The following SVOP variants were observed in gnomAD, a reference collection of about 807,000 sequenced individuals.
The protein encoded by SVOP is SV2 related protein.
SVOP carries 17 observed loss-of-function variants against 69.1 expected under a neutral mutation model. The observed-to-expected ratio is 0.25, with a 90% CI of 0.17 to 0.37. The LOEUF (loss-of-function observed/expected upper bound fraction) is 0.37, where lower values mean the gene tolerates loss of function less well. SVOP is among the 10% of genes least tolerant of loss of function. The pLI is 1.00. For missense variants in SVOP, 435 were observed against 597.5 expected, an observed-to-expected ratio of 0.73 and a Z score of 2.84; for synonymous variants, 238 against 238.6, an observed-to-expected ratio of 1.00 and a Z score of 0.02.
intron 4 of SVOP, among the ~76,000 whole-genome samples, chr12:108,976,722 T>A (rs1284712243): frequency 6.6e-6 from 1 of 151,756 alleles, no homozygotes; most frequent in Admixed American, 6.6e-5. Flanking sequence ...TTCAAGCAAT[T>A]CTCCTGCCTC....
At position 108,910,736 on chromosome 12, in the gene SVOP, C is replaced by G. The variant is rs189564719; in HGVS notation, c.*1799G>C. 6.6e-6 allele frequency: 1 copy of G among 152,338 alleles called. No homozygotes were observed. Among genetic ancestry groups the G allele is most frequent in the African/African-American group, 2.4e-5 (1 of 41,580 alleles). 9.4% of individuals were successfully genotyped at this position (152,338 alleles called of 1,614,324 possible). A position where few individuals can be genotyped will look rare whatever the true frequency, so the allele number is the denominator to read the frequency against. ...CCAACAAGCTCAGCCACAATGTTGG[C>G]TGCCAACGGTATGTCTTTCCCCACT... On this transcript the variant is annotated 3_prime_UTR_variant, in exon 16 of 16. Transcript: ENST00000610966.
chr12:108,992,476 G>A (rs906766076), intron 1 of SVOP, among the ~76,000 whole-genome samples: 3 of 152,164 alleles, frequency 2.0e-5, no homozygotes, highest in African/African-American at 7.2e-5. Context: ...GAGAGGTCGA[G>A]GCTGCAGTGA....
chr12:109,007,175 T>C (rs1319866863), intron 1 of SVOP, among the ~76,000 whole-genome samples: 2 of 152,204 alleles, frequency 1.3e-5, no homozygotes, highest in African/African-American at 2.4e-5. Context: ...TCAAAAACAC[T>C]GATAACCAGT....
At chr12:108,966,168 A>G (rs1480430316) in intron 5 of SVOP, among the ~76,000 whole-genome samples, 1 of 151,950 alleles carries the variant, frequency 6.6e-6, no homozygotes, top group African/African-American at 2.4e-5. Flanking sequence ...GCCTGGCTAC[A>G]TTTTCTTATT....
intron 5 of SVOP, among the ~76,000 whole-genome samples, chr12:108,970,598 T>A: frequency 1.3e-5 from 1 of 76,986 alleles, no homozygotes; most frequent in East Asian, 5.3e-4. Flanking sequence ...AGTAGGTTAT[T>A]CTTAGTCTAA....
At chr12:108,979,100 T>C (rs1487836407) in intron 2 of SVOP, among the ~76,000 whole-genome samples, 2 of 97,684 alleles carry the variant, frequency 2.0e-5, no homozygotes, top group Non-Finnish European at 4.6e-5. Context: ...TACATGTATC[T>C]ATCCGTAGAA....
At chr12:108,984,363 C>T (rs983797205) in intron 1 of SVOP, among the ~76,000 whole-genome samples, 94 of 152,298 alleles carry the variant, frequency 6.2e-4, no homozygotes, top group African/African-American at 2.2e-3. Flanking sequence ...GCCAGAATCC[C>T]AATGTCTCTT....
intron 1 of SVOP, among the ~76,000 whole-genome samples, chr12:108,995,967 C>A (rs2040229795): frequency 6.6e-6 from 1 of 151,840 alleles, no homozygotes; most frequent in African/African-American, 2.4e-5. Context: ...AACATACACA[C>A]ACACACATAC....
chr12:108,999,721 A>G (rs1053978070), intron 1 of SVOP, among the ~76,000 whole-genome samples: 10 of 149,288 alleles, frequency 6.7e-5, no homozygotes, highest in African/African-American at 2.2e-4. Context: ...TACTGGATAC[A>G]TAACGAAATG....
rs1309326493 is a variant in SVOP, at chr12:108,997,281, T to G, written c.36-13520A>C. Among the ~76,000 whole-genome samples the G allele has an allele frequency of 2.6e-5, 4 of 152,006 alleles. No homozygotes were observed. In the East Asian group the frequency reaches 5.8e-4, roughly 22 times the overall value. On this transcript the variant is annotated intron_variant, in intron 1 of 15. Coordinates refer to ENST00000610966, the MANE Select transcript of SVOP (RefSeq NM_018711.5). Reference sequence around the variant, plus strand: ...CTTAAAAAACGGCGCACCACGAGATTATATTCCGCACCTGGCTCGGAGGGT... The same window carrying G: ...CTTAAAAAACGGCGCACCACGAGATGATATTCCGCACCTGGCTCGGAGGGT...
Position 108,922,738 on chromosome 12 carries a change from C to T in SVOP, c.1108G>A (p.Glu370Lys). The change falls in exon 12 of 16, where the codon GAG (glutamate) becomes AAG (lysine). Residue 370 changes from glutamate to lysine, a missense_variant. Transcript: ENST00000610966. ...CACAGCAAGTCCATGTAATCCTCCT[C>T]ACTCAGGTACTCGCAGGCCAGGCTG... ...KCSLACEYLS[E>K]EDYMDLLWTT... 3 of 1,611,770 alleles carry T rather than the reference C, an allele frequency of 1.9e-6. No individual in the cohort carries two copies. Among genetic ancestry groups the T allele is most frequent in the Non-Finnish European group, 2.5e-6 (3 of 1,179,182 alleles).
chr12:108,959,028 C>T (rs2137421069), intron 6 of SVOP, among the ~76,000 whole-genome samples: 1 of 152,318 alleles, frequency 6.6e-6, no homozygotes, highest in Non-Finnish European at 1.5e-5. Flanking sequence ...GTCTATTCCC[C>T]AGGATCCCAT....
At chr12:109,020,109 T>G (rs2040388397) in intron 1 of SVOP, among the ~76,000 whole-genome samples, 1 of 152,146 alleles carries the variant, frequency 6.6e-6, no homozygotes, top group African/African-American at 2.4e-5. Context: ...TAAGCCCCTC[T>G]ACAAGGCCCC....
chr12:108,997,078 C>T (rs1240750848), intron 1 of SVOP, among the ~76,000 whole-genome samples: 4 of 152,180 alleles, frequency 2.6e-5, no homozygotes, highest in Admixed American at 2.0e-4. Context: ...GAGTGCCAGA[C>T]AGTGGGCGCA....
At chr12:109,003,692 C>G (rs1302262217) in intron 1 of SVOP, among the ~76,000 whole-genome samples, 1 of 152,196 alleles carries the variant, frequency 6.6e-6, no homozygotes, top group Non-Finnish European at 1.5e-5. Context: ...ACCGCACCCT[C>G]CAACTCCTGG....
intron 1 of SVOP, among the ~76,000 whole-genome samples, chr12:108,990,791 G>C (rs988049313): frequency 1.1e-4 from 17 of 152,208 alleles, no homozygotes; most frequent in Non-Finnish European, 2.5e-4. Context: ...GAGTCCAGGG[G>C]TTCTTGAACT....
rs1049982638 is a variant in SVOP, at chr12:108,908,767, G to A, written c.*3768C>T. 6.6e-6 allele frequency: 1 copy of A among 152,172 alleles called. No homozygotes were observed. Among genetic ancestry groups the A allele is most frequent in the Non-Finnish European group, 1.5e-5 (1 of 68,040 alleles). The allele number at this position is 152,172 out of a possible 1,614,324, so 9.4% of individuals were successfully genotyped here. ...CCACGGCAGGCTCCTTGCAACCATC[G>A]CCCATCCAACAGCCATTGCTATCCT... On this transcript the variant is annotated 3_prime_UTR_variant, in exon 16 of 16. Transcript: ENST00000610966.
At chr12:108,939,478 C>T (rs1270925025) in intron 8 of SVOP, among the ~76,000 whole-genome samples, 4 of 152,150 alleles carry the variant, frequency 2.6e-5, no homozygotes, top group African/African-American at 9.7e-5. Context: ...CAATGGAAGT[C>T]CCAACCCCAA....
intron 11 of SVOP, chr12:108,926,609 C>T (rs534887729): frequency 1.6e-4 from 24 of 152,302 alleles, no homozygotes; most frequent in African/African-American, 5.1e-4. Flanking sequence ...CTTCACCTGT[C>T]ATTGTCTTTG....
Sources: gnomAD v4.1 joint callset for allele counts (sites outside exome capture counted in the v4.1 genomes callset) on GRCh38, gnomAD v4.1.1 for gene constraint, MANE v1.5 for transcripts, NCBI Gene and HGNC (gene_info 2026-07-23, HGNC 2026-07-21) for gene names.